ITGB5: variants seen among roughly 807,000 people sequenced by gnomAD.
ITGB5 encodes integrin beta-5.
A neutral mutation model predicts 84.8 loss-of-function variants in ITGB5; 38 were observed. The observed-to-expected ratio is 0.45, with a 90% CI of 0.35 to 0.59. The LOEUF (loss-of-function observed/expected upper bound fraction) is 0.59, where lower values mean the gene tolerates loss of function less well. ITGB5 is among the 20% of genes least tolerant of loss of function. The pLI, the probability that ITGB5 is intolerant of heterozygous loss-of-function variation, is 0.01. For missense variants in ITGB5, 905 were observed against 1,034.5 expected (o/e 0.87, Z 1.72); for synonymous variants, 393 against 414.4 (o/e 0.95, Z 0.63).
intron 8 of ITGB5, among the ~76,000 whole-genome samples, chr3:124,817,120 T>C (rs1264736473): frequency 2.6e-5 from 4 of 152,226 alleles, no homozygotes; most frequent in African/African-American, 9.6e-5. Flanking sequence ...CATGTTAGTC[T>C]GCAGCTCTAC....
rs1246536400 is a variant in ITGB5, at chr3:124,848,299, G to A, written c.611+10C>T. The A allele has an allele frequency of 1.2e-6, 2 of 1,612,576 alleles. No homozygotes were observed. The highest frequency in any genetic ancestry group is 1.7e-6 in the Non-Finnish European group (2 of 1,178,858). On this transcript the variant is annotated intron_variant, in intron 4 of 14. Transcript: ENST00000296181. Reference sequence around the variant, plus strand: ...TTAAGTACCCAACAGAAGGGCAACTGGTCACTTACCCAATGCACGGATTGG... The same window carrying A: ...TTAAGTACCCAACAGAAGGGCAACTAGTCACTTACCCAATGCACGGATTGG...
chr3:124,896,746 T>TA (rs34601718), intron 1 of ITGB5, among the ~76,000 whole-genome samples: 18,772 of 124,522 alleles, frequency 0.15, 1,485 homozygotes, highest in African/African-American at 0.21. Flanking sequence ...GACCTTGTCT[T>TA]AAAAAAAAAA....
At chr3:124,882,079 G>A (rs747492708) in intron 1 of ITGB5, among the ~76,000 whole-genome samples, 2 of 152,230 alleles carry the variant, frequency 1.3e-5, no homozygotes, top group Non-Finnish European at 2.9e-5. Flanking sequence ...AGGCAACAGG[G>A]AGTTGAGGAC....
intron 10 of ITGB5, among the ~76,000 whole-genome samples, chr3:124,776,079 G>A (rs537497928): frequency 2.6e-5 from 4 of 152,246 alleles, no homozygotes; most frequent in South Asian, 2.1e-4. Flanking sequence ...ACTCGGGCCC[G>A]GAGTCCGCTG....
chr3:124,774,033 C>G (rs1369482894), intron 10 of ITGB5, 121 bp from the exon 11 acceptor site: 1 of 879,216 alleles, frequency 1.1e-6, no homozygotes, highest in African/African-American at 1.7e-5. Context: ...ACTCTGCCCT[C>G]AGAGCCTGTT....
At chr3:124,769,198 C>G in intron 11 of ITGB5, 85 bp from the exon 12 acceptor site, 1 of 1,017,880 alleles carries the variant, frequency 9.8e-7, no homozygotes, top group East Asian at 2.5e-5. Context: ...AGTGCAGGAC[C>G]TGGGAAGGCT....
chr3:124,814,814 CAT>C (rs1343703630), intron 8 of ITGB5, among the ~76,000 whole-genome samples: 2 of 152,318 alleles, frequency 1.3e-5, no homozygotes, highest in East Asian at 3.9e-4. Flanking sequence ...CATTTCACAA[CAT>C]GTTTACTTAC....
Position 124,819,687 on chromosome 3 carries a change from T to C in ITGB5, c.1038+52A>G, listed in dbSNP as rs61174421. On this transcript the variant is annotated intron_variant, in intron 7 of 14. Transcript: ENST00000296181. ...AGATAGGCAGAGTTGTAAACACTCC[T>C]CACCACCCACTTCACCCCACAAATC... 5 of 1,316,798 alleles carry C rather than the reference T, an allele frequency of 3.8e-6. No individual in the cohort carries two copies. The African/African-American group carries it at 7.2e-5, about 19-fold the overall frequency. The allele number at this position is 1,316,798 out of a possible 1,614,324, so 81.6% of individuals were successfully genotyped here. A position where few individuals can be genotyped will look rare whatever the true frequency, so the allele number is the denominator to read the frequency against.
intron 1 of ITGB5, among the ~76,000 whole-genome samples, chr3:124,895,318 G>A (rs1340533944): frequency 6.6e-6 from 1 of 152,142 alleles, no homozygotes; most frequent in South Asian, 2.1e-4. Context: ...CCTCAACCTT[G>A]TGGGCTCCGG....
intron 10 of ITGB5, among the ~76,000 whole-genome samples, chr3:124,785,113 T>C (rs2064061817): frequency 6.6e-6 from 1 of 152,078 alleles, no homozygotes; most frequent in Admixed American, 6.5e-5. Flanking sequence ...GTTGTTTGGG[T>C]CAAGACTTTT....
At chr3:124,869,530 C>T (rs141363885) in intron 2 of ITGB5, among the ~76,000 whole-genome samples, 3 of 152,230 alleles carry the variant, frequency 2.0e-5, no homozygotes, top group Non-Finnish European at 4.4e-5. Flanking sequence ...AGCCATGATT[C>T]TATCACTGCA....
At position 124,868,020 on chromosome 3, in the gene ITGB5, G is replaced by T. The variant is rs111753386; in HGVS notation, c.156+5426C>A. ...CTATGCTGTTCTCTTGATGGTGAGT[G>T]AGTTCTCCTGAGATCTGATAGTTTC... On this transcript the variant is annotated intron_variant, in intron 2 of 14. Coordinates refer to ENST00000296181, the MANE Select transcript of ITGB5 (RefSeq NM_002213.5). Among the ~76,000 whole-genome samples, 433 of 152,202 alleles carry T rather than the reference G, an allele frequency of 2.8e-3. 1 individual carries two copies. The highest frequency in any genetic ancestry group is 9.7e-3 in the African/African-American group (402 of 41,522).
chr3:124,764,518 G>T lies in ITGB5; in HGVS notation c.2177C>A (p.Ala726Asp), dbSNP rs1271968109. 2 of 1,613,810 alleles carry T rather than the reference G, an allele frequency of 1.2e-6. No homozygotes were observed. The highest frequency in any genetic ancestry group is 2.7e-5 in the African/African-American group (2 of 74,934). The change falls in exon 14 of 15, where the codon GCT becomes GAT. Residue 726 changes from alanine to aspartate, a missense_variant. Around this residue, in one of 3 missense-constraint regions of ITGB5, gnomAD observed 133 missense variants for 122.8 expected, o/e 1.08. Coordinates refer to ENST00000296181, the MANE Select transcript of ITGB5 (RefSeq NM_002213.5). ...NTPNAMTILLAVVGSILLVGL... is the reference protein window; with the variant it reads ...NTPNAMTILLDVVGSILLVGL... ...AACAAGGAGGATGCTACCGACCACAGCCAGGAGGATGGTCATGGCGTTGGG... is the reference window on the plus strand; with the variant it reads ...AACAAGGAGGATGCTACCGACCACATCCAGGAGGATGGTCATGGCGTTGGG...
chr3:124,810,605 T>A (rs962324987), intron 8 of ITGB5, among the ~76,000 whole-genome samples: 6 of 117,542 alleles, frequency 5.1e-5, no homozygotes, highest in Admixed American at 1.8e-4. Flanking sequence ...CTTAAAAAAA[T>A]TAAGAATAAT....
chr3:124,874,872 C>T (rs1164019319), intron 1 of ITGB5, among the ~76,000 whole-genome samples: 1 of 152,146 alleles, frequency 6.6e-6, no homozygotes, highest in Non-Finnish European at 1.5e-5. Context: ...GGTTTAAAAC[C>T]TTAAATATAA....
At chr3:124,764,148 C>T (rs532608484) in intron 14 of ITGB5, among the ~76,000 whole-genome samples, 4 of 152,280 alleles carry the variant, frequency 2.6e-5, no homozygotes, top group East Asian at 1.9e-4. Flanking sequence ...TCCTGAGGCA[C>T]GCCCAGCGCC....
At chr3:124,792,745 C>T (rs374747459) in intron 10 of ITGB5, 3 of 152,238 alleles carry the variant, frequency 2.0e-5, no homozygotes, top group East Asian at 1.9e-4. Context: ...GAGCATTTCC[C>T]GATCCCGCAG....
Position 124,764,602 on chromosome 3 carries a change from A to AT in ITGB5, c.2138-46dup, listed in dbSNP as rs200289028. 1.5e-3 allele frequency: 2,422 copies of AT among 1,567,772 alleles called. 25 individuals carry two copies. The African/African-American group carries it at 0.029, about 19-fold the overall frequency. ...GGTAAGCAAAGCCACTAGCATCACC[A>AT]TGCCCCTCTCACGCAACTGCAGGCA... is the stretch of plus-strand genomic sequence containing the variant. On this transcript the variant is annotated intron_variant, in intron 13 of 14. Coordinates refer to ENST00000296181, the MANE Select transcript of ITGB5 (RefSeq NM_002213.5).
chr3:124,867,388 C>T (rs967148841), intron 2 of ITGB5, among the ~76,000 whole-genome samples: 5 of 152,198 alleles, frequency 3.3e-5, no homozygotes, highest in Admixed American at 1.3e-4. Context: ...CACGGAGCCT[C>T]GTATTCACAC....
Sources: allele counts gnomAD v4.1 joint callset (sites outside exome capture counted in the v4.1 genomes callset), GRCh38; gene constraint gnomAD v4.1.1; regional missense constraint gnomAD v4.1.1; transcripts MANE v1.5; gene names NCBI Gene and HGNC (gene_info 2026-07-23, HGNC 2026-07-21).